The following ADGRB3 variants were observed in gnomAD, a reference collection of about 807,000 sequenced individuals.
ADGRB3 encodes brain-specific angiogenesis inhibitor 3.
Under a neutral mutation model 193.4 loss-of-function variants are expected in ADGRB3, and 37 were observed. The observed-to-expected ratio is 0.19, with a 90% confidence interval of 0.15 to 0.25. ADGRB3 has a LOEUF of 0.25. ADGRB3 is among the 10% of genes least tolerant of loss of function. The probability of loss-of-function intolerance (pLI) is 1.00; values close to 1 mark genes in which losing one functional copy is unlikely to be tolerated. For synonymous variants in ADGRB3, 690 were observed against 644.2 expected, an observed-to-expected ratio of 1.07 and a Z score of -1.08; for missense variants, 1,637 against 1,852.9, an observed-to-expected ratio of 0.88 and a Z score of 2.14.
At chr6:69,288,761 C>T (rs1767604910) in intron 20 of ADGRB3, among the ~76,000 whole-genome samples, 1 of 152,076 alleles carries the variant, frequency 6.6e-6, no homozygotes, top group Non-Finnish European at 1.5e-5. Flanking sequence ...AAAGGCTTTT[C>T]CCTCAGGTCT....
At chr6:69,195,475 G>T (rs747502209) in intron 17 of ADGRB3, among the ~76,000 whole-genome samples, 2 of 143,226 alleles carry the variant, frequency 1.4e-5, no homozygotes, top group Non-Finnish European at 3.0e-5. Context: ...CAATAATCAT[G>T]ATGGCACACT....
At chr6:69,025,271 TTC>T (rs1173362766) in intron 13 of ADGRB3, among the ~76,000 whole-genome samples, 2 of 152,116 alleles carry the variant, frequency 1.3e-5, no homozygotes, top group Admixed American at 1.3e-4. Flanking sequence ...CAAACCTATG[TTC>T]TTTCTTATAT....
chr6:68,670,621 C>A (rs1768928265), intron 3 of ADGRB3, among the ~76,000 whole-genome samples: 1 of 151,866 alleles, frequency 6.6e-6, no homozygotes, highest in African/African-American at 2.4e-5. Flanking sequence ...GTCTATGTTT[C>A]TGTTTTTTAT....
At chr6:68,785,285 T>G (rs1425536619) in intron 3 of ADGRB3, among the ~76,000 whole-genome samples, 1 of 151,102 alleles carries the variant, frequency 6.6e-6, no homozygotes, top group Non-Finnish European at 1.5e-5. Context: ...TAGATATATC[T>G]CCTAATGCTA....
chr6:69,327,524 G>GA (rs1295280856), intron 21 of ADGRB3, among the ~76,000 whole-genome samples: 1 of 152,028 alleles, frequency 6.6e-6, no homozygotes, highest in South Asian at 2.1e-4. Context: ...AACCCCTAGG[G>GA]AAAAAAATAA....
At chr6:69,124,312 T>C (rs1219178753) in intron 17 of ADGRB3, among the ~76,000 whole-genome samples, 4 of 152,212 alleles carry the variant, frequency 2.6e-5, no homozygotes, top group Non-Finnish European at 4.4e-5. Flanking sequence ...TTAACACTTC[T>C]GTTACATGAA....
intron 17 of ADGRB3, among the ~76,000 whole-genome samples, chr6:69,161,868 A>G (rs1200414004): frequency 6.6e-6 from 1 of 152,228 alleles, no homozygotes; most frequent in African/African-American, 2.4e-5. Context: ...AGCAACTCAC[A>G]ACATGGCAGC....
intron 3 of ADGRB3, among the ~76,000 whole-genome samples, chr6:68,927,641 G>A (rs959565094): frequency 1.3e-5 from 2 of 151,914 alleles, no homozygotes; most frequent in African/African-American, 4.8e-5. Flanking sequence ...TTTGGCAGAA[G>A]AAACACACTT....
chr6:69,353,994 C>T (rs907999130), intron 26 of ADGRB3, among the ~76,000 whole-genome samples: 3 of 152,062 alleles, frequency 2.0e-5, no homozygotes, highest in Non-Finnish European at 2.9e-5. Context: ...ACCTGGGAAG[C>T]GGAGGTTGCA....
intron 8 of ADGRB3, among the ~76,000 whole-genome samples, chr6:68,972,584 A>T (rs1448330683): frequency 2.0e-5 from 3 of 151,820 alleles, no homozygotes; most frequent in African/African-American, 7.2e-5. Flanking sequence ...TGTGATAAAT[A>T]AGGATCATAG....
At chr6:69,168,538 C>A (rs951029229) in intron 17 of ADGRB3, among the ~76,000 whole-genome samples, 1 of 152,108 alleles carries the variant, frequency 6.6e-6, no homozygotes, top group Non-Finnish European at 1.5e-5. Context: ...CCATGAATCA[C>A]CCCACATAAT....
At chr6:68,917,040 C>T (rs1766900858) in intron 3 of ADGRB3, among the ~76,000 whole-genome samples, 1 of 152,102 alleles carries the variant, frequency 6.6e-6, no homozygotes, top group Admixed American at 6.6e-5. Context: ...GTTAGGAGAC[C>T]ATTACATTGG....
At chr6:68,682,970 G>A (rs1326913370) in intron 3 of ADGRB3, among the ~76,000 whole-genome samples, 1 of 151,858 alleles carries the variant, frequency 6.6e-6, no homozygotes, top group Non-Finnish European at 1.5e-5. Context: ...TAGTGACAGG[G>A]TTTTGCCATT....
At chr6:68,853,931 G>A (rs1480362840) in intron 3 of ADGRB3, among the ~76,000 whole-genome samples, 1 of 152,124 alleles carries the variant, frequency 6.6e-6, no homozygotes, top group African/African-American at 2.4e-5. Flanking sequence ...AACCATGCAT[G>A]TGCGAAGGGA....
At chr6:69,221,097 G>A (rs373504908) in intron 17 of ADGRB3, among the ~76,000 whole-genome samples, 3 of 150,934 alleles carry the variant, frequency 2.0e-5, no homozygotes, top group African/African-American at 7.3e-5. Flanking sequence ...CACAAAAGAG[G>A]GACTAAAACA....
At chr6:68,744,368 C>A (rs1438462790) in intron 3 of ADGRB3, among the ~76,000 whole-genome samples, 1 of 151,990 alleles carries the variant, frequency 6.6e-6, no homozygotes, top group Non-Finnish European at 1.5e-5. Flanking sequence ...CCCATTTGAC[C>A]CAGCAATCCC....
At chr6:69,000,200 A>C (rs1769527254) in intron 11 of ADGRB3, among the ~76,000 whole-genome samples, 1 of 151,708 alleles carries the variant, frequency 6.6e-6, no homozygotes, top group Non-Finnish European at 1.5e-5. Context: ...AAAAAAAAGA[A>C]ACAAAGAAGG....
At chr6:68,959,473 T>C (rs1768173936) in intron 8 of ADGRB3, among the ~76,000 whole-genome samples, 1 of 152,116 alleles carries the variant, frequency 6.6e-6, no homozygotes, top group Non-Finnish European at 1.5e-5. Context: ...TTCACTTAAT[T>C]TGGAGTCAAA....
intron 3 of ADGRB3, among the ~76,000 whole-genome samples, chr6:68,642,649 CAT>C (rs1377794793): frequency 6.6e-6 from 1 of 151,158 alleles, no homozygotes; most frequent in Non-Finnish European, 1.5e-5. Context: ...TTGGGGGTAT[CAT>C]GTGATTATAG....
Sources: allele counts gnomAD v4.1 joint callset (sites outside exome capture counted in the v4.1 genomes callset), GRCh38; gene constraint gnomAD v4.1.1; transcripts MANE v1.5; gene names NCBI Gene and HGNC (gene_info 2026-07-23, HGNC 2026-07-21).